TMEM61: variants seen among roughly 807,000 people sequenced by gnomAD.
The protein encoded by TMEM61 is transmembrane protein 61.
In TMEM61, 13 loss-of-function variants were observed where a neutral mutation model predicts 12.0. The ratio of observed to expected loss-of-function variants is 1.08; its 90% CI spans 0.70 to 1.72. The LOEUF is 1.72. TMEM61 is among the 40% of genes most tolerant of loss of function. The pLI, the probability that TMEM61 is intolerant of heterozygous loss-of-function variation, is 0.00. For missense variants in TMEM61, 249 were observed against 276.9 expected (o/e 0.90, Z 0.71); for synonymous variants, 109 against 121.4 (o/e 0.90, Z 0.67).
intron 2 of TMEM61, among the ~76,000 whole-genome samples, chr1:54,987,041 T>C (rs757639934): frequency 3.3e-5 from 5 of 152,074 alleles, no homozygotes; most frequent in Admixed American, 6.5e-5. Flanking sequence ...TGAGTTCCAT[T>C]TGTAAAGGAG....
Position 54,980,928 on chromosome 1 carries a change from G to C in TMEM61, c.-138G>C. 1 of 910,214 alleles carries C rather than the reference G, an allele frequency of 1.1e-6. No individual in the cohort carries two copies. 56.4% of individuals were successfully genotyped at this position (910,214 alleles called of 1,614,324 possible). ...TCGGGGGCAGCGGCCAGGCCCCTCCGCCCCTAACACCCGCGCCTCCTGCAG... is the reference window on the plus strand; with the variant it reads ...TCGGGGGCAGCGGCCAGGCCCCTCCCCCCCTAACACCCGCGCCTCCTGCAG... On this transcript the variant is annotated 5_prime_UTR_variant, in exon 1 of 3. Coordinates refer to ENST00000371268, the MANE Select transcript of TMEM61 (RefSeq NM_182532.3).
intron 1 of TMEM61, among the ~76,000 whole-genome samples, chr1:54,984,378 T>C (rs1050613665): frequency 2.6e-5 from 4 of 152,096 alleles, no homozygotes; most frequent in Admixed American, 6.6e-5. Context: ...CTGCCTTTTA[T>C]CCGATGAGGA....
intron 1 of TMEM61, among the ~76,000 whole-genome samples, chr1:54,984,536 G>A (rs1209994231): frequency 6.6e-6 from 1 of 152,166 alleles, no homozygotes; most frequent in African/African-American, 2.4e-5. Context: ...CTGTGAGGGT[G>A]GATTTTCACC....
At chr1:54,987,549 C>G (rs2101636009) in intron 2 of TMEM61, among the ~76,000 whole-genome samples, 2 of 152,254 alleles carry the variant, frequency 1.3e-5, no homozygotes, top group Admixed American at 1.3e-4. Context: ...CCCCAAGAAC[C>G]AATGTGTGTC....
intron 1 of TMEM61, 55 bp from the exon 2 acceptor site, chr1:54,986,042 C>T (rs1213611326): frequency 6.7e-6 from 10 of 1,488,322 alleles, no homozygotes; most frequent in Non-Finnish European, 8.2e-6. Flanking sequence ...AACACCTGGC[C>T]TCCAGCACCT....
chr1:54,990,174 C>G (rs1644285607), intron 2 of TMEM61, among the ~76,000 whole-genome samples: 1 of 152,046 alleles, frequency 6.6e-6, no homozygotes, highest in Non-Finnish European at 1.5e-5. Context: ...CGGCTGTCTT[C>G]CAGAGAAGGA....
intron 1 of TMEM61, among the ~76,000 whole-genome samples, chr1:54,982,830 C>T (rs562873376): frequency 2.2e-4 from 33 of 152,314 alleles, no homozygotes; most frequent in African/African-American, 7.7e-4. Flanking sequence ...GACAAATTGT[C>T]ACCCTATTAT....
At chr1:54,991,249 T>G (rs539620545) in intron 2 of TMEM61, among the ~76,000 whole-genome samples, 1 of 152,150 alleles carries the variant, frequency 6.6e-6, no homozygotes, top group East Asian at 1.9e-4. Flanking sequence ...CAGAAAAGAG[T>G]CACAGGATAG....
At chr1:54,982,966 C>A (rs550520478) in intron 1 of TMEM61, among the ~76,000 whole-genome samples, 2 of 151,930 alleles carry the variant, frequency 1.3e-5, no homozygotes, top group Non-Finnish European at 2.9e-5. Flanking sequence ...CTGGTAAATG[C>A]CCAGCCTGAT....
At position 54,986,136 on chromosome 1, in the gene TMEM61, T is replaced by G; in HGVS notation, c.55T>G (p.Cys19Gly). The G allele has an allele frequency of 1.9e-6, 3 of 1,607,086 alleles. 1 individual carries two copies. The South Asian group carries it at 3.3e-5, about 18-fold the overall frequency. Residue 19 changes from cysteine (C) to glycine (G), a missense_variant, in exon 2 of 3, where the codon TGC becomes GGC. Transcript: ENST00000371268. ...CCACTTGGCCTCCACCCTCCGCTAT[T>G]GCATGACAGTCAGCGGCACAGTGGT... The part of the protein sequence containing the change: ...GSHLASTLRY[C>G]MTVSGTVVLV...
chr1:54,987,315 C>T (rs1373646031), intron 2 of TMEM61, among the ~76,000 whole-genome samples: 1 of 152,174 alleles, frequency 6.6e-6, no homozygotes, highest in Non-Finnish European at 1.5e-5. Flanking sequence ...GGCAGAAGAG[C>T]ATGCACAAAG....
At chr1:54,988,539 C>T (rs981473893) in intron 2 of TMEM61, among the ~76,000 whole-genome samples, 1 of 152,222 alleles carries the variant, frequency 6.6e-6, no homozygotes, top group African/African-American at 2.4e-5. Flanking sequence ...GAGCCCAGCA[C>T]CTGGCCCCCA....
At chr1:54,985,219 ATG>A (rs35817239) in intron 1 of TMEM61, among the ~76,000 whole-genome samples, 137,166 of 150,694 alleles carry the variant, frequency 0.91, 63,346 homozygotes, top group Non-Finnish European at 0.98. Flanking sequence ...GAACGTGTGT[ATG>A]TGTGTGTGTG....
chr1:54,981,018 G>A lies in TMEM61; in HGVS notation c.-48G>A, dbSNP rs530557821. 135 of 1,537,012 alleles carry A rather than the reference G, an allele frequency of 8.8e-5. No homozygotes were observed. The highest frequency in any genetic ancestry group is 1.1e-4 in the Non-Finnish European group (131 of 1,139,224). On this transcript the variant is annotated 5_prime_UTR_variant, in exon 1 of 3. Transcript: ENST00000371268. ...GTCCTCCACCACCACACCTTCACCT[G>A]CGCCCGGCTCCCTGCGCGCCTGGAC... is the stretch of plus-strand genomic sequence containing the variant.
chr1:54,984,904 G>A (rs1389105560), intron 1 of TMEM61, among the ~76,000 whole-genome samples: 1 of 152,178 alleles, frequency 6.6e-6, no homozygotes, highest in African/African-American at 2.4e-5. Flanking sequence ...CTCAGACCTA[G>A]GTTTCCGCCT....
chr1:54,987,900 C>G (rs566464233), intron 2 of TMEM61, among the ~76,000 whole-genome samples: 1 of 152,164 alleles, frequency 6.6e-6, no homozygotes, highest in Non-Finnish European at 1.5e-5. Flanking sequence ...TTTTCCGAGT[C>G]GAAGAATGTA....
chr1:54,982,245 G>C (rs552349186), intron 1 of TMEM61, among the ~76,000 whole-genome samples: 6 of 152,288 alleles, frequency 3.9e-5, no homozygotes, highest in African/African-American at 1.4e-4. Flanking sequence ...GCTGGAGGGA[G>C]GTGGGGGCAG....
At chr1:54,988,745 G>A (rs1368474852) in intron 2 of TMEM61, among the ~76,000 whole-genome samples, 4 of 152,218 alleles carry the variant, frequency 2.6e-5, no homozygotes, top group African/African-American at 4.8e-5. Context: ...TTGAGCACAC[G>A]TAGGTATGCT....
intron 1 of TMEM61, among the ~76,000 whole-genome samples, chr1:54,985,592 ACT>A (rs1279110829): frequency 1.3e-5 from 2 of 151,270 alleles, no homozygotes; most frequent in Non-Finnish European, 3.0e-5. Context: ...TCGGCCTCAG[ACT>A]CTTCAATATC....
Sources: allele counts gnomAD v4.1 joint callset (sites outside exome capture counted in the v4.1 genomes callset), GRCh38; gene constraint gnomAD v4.1.1; transcripts MANE v1.5; gene names NCBI Gene and HGNC (gene_info 2026-07-23, HGNC 2026-07-21).